PASD1: variants seen among roughly 807,000 people sequenced by gnomAD.
The protein encoded by PASD1 is circadian clock protein PASD1.
A neutral mutation model predicts 58.8 loss-of-function variants in PASD1; 13 were observed. The ratio of observed to expected loss-of-function variants is 0.22; its 90% CI spans 0.14 to 0.35. The LOEUF is 0.35. Among genes scored for constraint, PASD1 ranks in the 10% least tolerant of loss-of-function variants. The probability of loss-of-function intolerance (pLI) is 1.00; values close to 1 mark genes in which losing one functional copy is unlikely to be tolerated. For synonymous variants in PASD1, 236 were observed against 216.7 expected (o/e 1.09, Z -0.78); for missense variants, 734 against 568.3 (o/e 1.29, Z -2.96).
In PASD1 at chrX:151,656,303, T is replaced by C. The variant is rs1202461613; in HGVS notation, c.718-3410T>C. 5.4e-5 allele frequency among the ~76,000 whole-genome samples: 6 copies of C among 112,011 alleles called. No homozygotes were observed. In the East Asian group the frequency reaches 1.4e-3, roughly 26 times the overall value. On this transcript the variant is annotated intron_variant, in intron 9 of 15. Coordinates refer to ENST00000370357, the MANE Select transcript of PASD1 (RefSeq NM_173493.3). ...TCAGGTAGCATGATGCCTCCAGCTT[T>C]GTTCTTTTGGCTTAGGATTGTCTTG...
chrX:151,564,627 G>A (rs1183654662), intron 1 of PASD1, among the ~76,000 whole-genome samples: 7 of 109,706 alleles, frequency 6.4e-5, no homozygotes, highest in Non-Finnish European at 1.3e-4. Flanking sequence ...ACGTCGGTGC[G>A]GTGGCAGGCA....
chrX:151,581,761 A>C (rs2013097853), intron 1 of PASD1, among the ~76,000 whole-genome samples: 1 of 110,238 alleles, frequency 9.1e-6, no homozygotes, highest in Admixed American at 9.7e-5. Flanking sequence ...GAGAGAGGAA[A>C]AGAGCAGGAT....
rs11795756 is a variant in PASD1, at chrX:151,675,062, A to C, written c.2175+876A>C. On this transcript the variant is annotated intron_variant, in intron 15 of 15. Transcript: ENST00000370357. ...GTTCCTATGGTTCCATTACCAAGCC[A>C]GACTTTGTTGAGAACATCTTTCACG... Among the ~76,000 whole-genome samples, 976 of 111,830 alleles carry C rather than the reference A, an allele frequency of 8.7e-3. 6 individuals are homozygous for C. The highest frequency in any genetic ancestry group is 0.015 in the South Asian group (40 of 2,634).
chrX:151,578,951 G>A (rs1255949493), intron 1 of PASD1, among the ~76,000 whole-genome samples: 4 of 111,605 alleles, frequency 3.6e-5, no homozygotes, highest in Non-Finnish European at 7.5e-5. Flanking sequence ...TCATCTGTTG[G>A]GCACTTAAGT....
At chrX:151,653,481 C>T (rs1037680369) in intron 9 of PASD1, among the ~76,000 whole-genome samples, 3 of 110,509 alleles carry the variant, frequency 2.7e-5, no homozygotes, top group Non-Finnish European at 3.8e-5. Flanking sequence ...TGTGAGCCAC[C>T]GTGCCTGGCC....
intron 13 of PASD1, 54 bp from the exon 14 acceptor site, chrX:151,672,129 C>T: frequency 9.0e-7 from 1 of 1,116,789 alleles, no homozygotes; most frequent in Non-Finnish European, 1.2e-6. Flanking sequence ...AAATAAGTTT[C>T]TGGGAGGCTC....
chrX:151,641,862 C>T (rs1036631823), intron 8 of PASD1, among the ~76,000 whole-genome samples: 30 of 111,819 alleles, frequency 2.7e-4, no homozygotes, highest in African/African-American at 9.7e-4. Context: ...GTATACCAGA[C>T]ATTTTCCTTC....
chrX:151,648,464 G>GA (rs1379080758), intron 8 of PASD1, 151 bp from the exon 9 acceptor site: 1 of 547,201 alleles, frequency 1.8e-6, no homozygotes. Context: ...AACTCTGTGG[G>GA]AAAAATGATA....
intron 6 of PASD1, among the ~76,000 whole-genome samples, chrX:151,622,725 C>T (rs188387728): frequency 1.1e-4 from 12 of 110,816 alleles, no homozygotes; most frequent in African/African-American, 3.9e-4. Flanking sequence ...GAAAACCAAC[C>T]TTAACTCTCA....
rs1569412765 is a variant in PASD1 at position 151,648,603 on chromosome X, T to C, written c.630-12T>C. 3.3e-6 allele frequency: 4 copies of C among 1,202,586 alleles called. No individual in the cohort carries two copies. The highest frequency in any genetic ancestry group is 1.8e-5 in the South Asian group (1 of 56,267). On this transcript the variant is annotated splice_polypyrimidine_tract_variant and intron_variant, in intron 8 of 15. Coordinates refer to ENST00000370357, the MANE Select transcript of PASD1 (RefSeq NM_173493.3). ...AGATATGCTTACCATCTCTCTTTTT[T>C]CCTATTTATAGTAGCTCTCAAGGTC...
intron 1 of PASD1, among the ~76,000 whole-genome samples, chrX:151,588,519 C>T (rs2013202120): frequency 9.0e-6 from 1 of 111,080 alleles, no homozygotes; most frequent in African/African-American, 3.3e-5. Context: ...TTTTCTTTCT[C>T]TCTGTCAGTC....
intron 1 of PASD1, among the ~76,000 whole-genome samples, chrX:151,590,113 G>C (rs2013224575): frequency 8.9e-6 from 1 of 111,850 alleles, no homozygotes; most frequent in Non-Finnish European, 1.9e-5. Context: ...TGGGGTGGGA[G>C]GATAAAGGGA....
rs150599151 is a variant in PASD1, at chrX:151,587,323, C to T, written c.-27-14204C>T. Among the ~76,000 whole-genome samples, 3 of 103,101 alleles carry T rather than the reference C, an allele frequency of 2.9e-5. No individual in the cohort carries two copies. In the East Asian group the frequency reaches 9.8e-4, roughly 34 times the overall value. The allele number at this position is 103,101 out of a possible 115,157, so 89.5% of individuals were successfully genotyped here. A position where few individuals can be genotyped will look rare whatever the true frequency, so the allele number is the denominator to read the frequency against. On this transcript the variant is annotated intron_variant, in intron 1 of 15. Coordinates refer to ENST00000370357, the MANE Select transcript of PASD1 (RefSeq NM_173493.3). ...CAAACTTTGACCATTTGCATTTTTA[C>T]AGGTAAGACTCAGCGTTCCCTCATT... is the stretch of plus-strand genomic sequence containing the variant.
chrX:151,617,908 A>G (rs2013657522), intron 4 of PASD1, among the ~76,000 whole-genome samples: 1 of 112,149 alleles, frequency 8.9e-6, no homozygotes, highest in Non-Finnish European at 1.9e-5. Flanking sequence ...ATATGTGAAC[A>G]TACCTAGAAC....
At chrX:151,593,227 TA>T (rs956267570) in intron 1 of PASD1, among the ~76,000 whole-genome samples, 8 of 111,005 alleles carry the variant, frequency 7.2e-5, no homozygotes, top group Non-Finnish European at 1.1e-4. Context: ...TATTTAAGTT[TA>T]TTTTTTTATT....
At chrX:151,613,336 T>G (rs1490433854) in intron 4 of PASD1, among the ~76,000 whole-genome samples, 1 of 109,415 alleles carries the variant, frequency 9.1e-6, no homozygotes, top group African/African-American at 3.4e-5. Flanking sequence ...TTAAAGTAGT[T>G]TTTTCCAATT....
intron 8 of PASD1, among the ~76,000 whole-genome samples, chrX:151,642,399 C>T (rs1444161833): frequency 8.9e-6 from 1 of 112,096 alleles, no homozygotes; most frequent in East Asian, 2.8e-4. Flanking sequence ...ATATATTATT[C>T]TTGATTATAT....
intron 8 of PASD1, among the ~76,000 whole-genome samples, chrX:151,640,041 G>T (rs777692710): frequency 9.0e-6 from 1 of 111,293 alleles, no homozygotes; most frequent in East Asian, 2.8e-4. Flanking sequence ...TTATTTCCCC[G>T]CCTGGCTCAA....
At chrX:151,613,684 T>G (rs888950813) in intron 4 of PASD1, among the ~76,000 whole-genome samples, 4 of 111,876 alleles carry the variant, frequency 3.6e-5, no homozygotes, top group African/African-American at 1.3e-4. Context: ...CCTGAGACTT[T>G]GCTGAAATTG....
Sources: gnomAD v4.1 joint callset for allele counts (sites outside exome capture counted in the v4.1 genomes callset) on GRCh38, gnomAD v4.1.1 for gene constraint, MANE v1.5 for transcripts, NCBI Gene and HGNC (gene_info 2026-07-23, HGNC 2026-07-21) for gene names.